Variants in TNS3 observed in about 807,000 individuals in gnomAD.
TNS3 encodes the protein tensin-3.
Under a neutral mutation model 140.9 loss-of-function variants are expected in TNS3, and 45 were observed. That is an observed-to-expected ratio of 0.32 (90% CI 0.25 to 0.41). TNS3 has a LOEUF of 0.41. Among genes scored for constraint, TNS3 ranks in the 10% least tolerant of loss-of-function variants. TNS3 has a pLI of 1.00. For missense variants in TNS3, 1,716 were observed against 1,906.7 expected, an observed-to-expected ratio of 0.90 and a Z score of 1.86; for synonymous variants, 815 against 788.4, an observed-to-expected ratio of 1.03 and a Z score of -0.56.
chr7:47,397,001 G>A, intron 15 of TNS3, 97 bp from the exon 16 acceptor site: 1 of 849,422 alleles, frequency 1.2e-6, no homozygotes, highest in East Asian at 2.5e-5. Context: ...CCTGACTTGA[G>A]CAGGAGAGAG....
rs376312101 is a variant in TNS3 at position 47,413,289 on chromosome 7, T to C, written c.647+648A>G. On this transcript the variant is annotated intron_variant, in intron 12 of 30. Coordinates refer to ENST00000311160, the MANE Select transcript of TNS3 (RefSeq NM_022748.12). ...TTTTTTTTTTTTGACTCTCGCTCTGTCACCTAGCCTGGAGTGCAGTGGTGT... is the reference window on the plus strand; with the variant it reads ...TTTTTTTTTTTTGACTCTCGCTCTGCCACCTAGCCTGGAGTGCAGTGGTGT... Among the ~76,000 whole-genome samples, 23 of 134,470 alleles carry C rather than the reference T, an allele frequency of 1.7e-4. No individual in the cohort carries two copies. The East Asian group carries it at 2.6e-3, about 15-fold the overall frequency. The allele number at this position is 134,470 out of a possible 152,430, so 88.2% of individuals were successfully genotyped here.
At chr7:47,554,235 T>C (rs917901923) in intron 1 of TNS3, among the ~76,000 whole-genome samples, 10 of 149,984 alleles carry the variant, frequency 6.7e-5, no homozygotes, top group Admixed American at 6.0e-4. Context: ...CCTGCCAACA[T>C]GGTGAAACCC....
chr7:47,532,517 A>AG (rs142747665), intron 1 of TNS3, among the ~76,000 whole-genome samples: 54,378 of 152,002 alleles, frequency 0.36, 10,691 homozygotes, highest in Middle Eastern at 0.5. Context: ...TTCCAGCTGC[A>AG]GAGAGGAACT....
At chr7:47,537,066 G>T (rs1319757024) in intron 1 of TNS3, among the ~76,000 whole-genome samples, 1 of 151,600 alleles carries the variant, frequency 6.6e-6, no homozygotes, top group African/African-American at 2.4e-5. Flanking sequence ...TTCCGCGCGC[G>T]AACCCTCCCG....
intron 6 of TNS3, among the ~76,000 whole-genome samples, 153 bp from the exon 7 acceptor site, chr7:47,437,466 T>G (rs1429690984): frequency 2.6e-5 from 4 of 151,772 alleles, no homozygotes; most frequent in African/African-American, 7.2e-5. Flanking sequence ...AAAAAGCTTT[T>G]AGACAAATCC....
At chr7:47,319,603 A>T (rs1367160114) in intron 20 of TNS3, among the ~76,000 whole-genome samples, 1 of 151,634 alleles carries the variant, frequency 6.6e-6, no homozygotes, top group Non-Finnish European at 1.5e-5. Context: ...TCTAAATCAC[A>T]TAAGGCCCAG....
At chr7:47,345,172 AG>A (rs1789262429) in intron 18 of TNS3, 134 bp from the exon 19 acceptor site, 1 of 672,134 alleles carries the variant, frequency 1.5e-6, no homozygotes, top group South Asian at 1.8e-5. Context: ...AAGGAGGCTG[AG>A]GTCTGGATCC....
intron 3 of TNS3, among the ~76,000 whole-genome samples, chr7:47,488,077 G>A (rs151253931): frequency 8.3e-4 from 126 of 152,200 alleles, no homozygotes; most frequent in Non-Finnish European, 1.3e-3. Context: ...GAGCTTTTAC[G>A]AAGGGCCACT....
chr7:47,435,450 C>T (rs774497700), intron 7 of TNS3, 46 bp from the exon 8 acceptor site: 8 of 1,601,562 alleles, frequency 5.0e-6, no homozygotes, highest in Non-Finnish European at 6.8e-6. Flanking sequence ...TTCCTAAAAC[C>T]TTCTGAGGCC....
At chr7:47,478,706 T>C (rs190715602) in intron 4 of TNS3, among the ~76,000 whole-genome samples, 69 of 152,210 alleles carry the variant, frequency 4.5e-4, no homozygotes, top group Middle Eastern at 3.4e-3. Context: ...TACATATATA[T>C]TCACATACAT....
At chr7:47,428,240 C>G (rs1162790060) in intron 9 of TNS3, 72 bp downstream of exon 9, 4 of 1,149,324 alleles carry the variant, frequency 3.5e-6, no homozygotes, top group Non-Finnish European at 4.6e-6. Flanking sequence ...AGCTCCCGCG[C>G]AGACAGCCTT....
intron 4 of TNS3, among the ~76,000 whole-genome samples, chr7:47,478,816 A>C (rs139139969): frequency 6.6e-6 from 1 of 152,248 alleles, no homozygotes; most frequent in East Asian, 1.9e-4. Flanking sequence ...TATAACATGC[A>C]TGTATGTGTT....
chr7:47,391,817 T>C (rs927684827), intron 16 of TNS3, among the ~76,000 whole-genome samples: 1 of 152,128 alleles, frequency 6.6e-6, no homozygotes, highest in Non-Finnish European at 1.5e-5. Context: ...CACAGCCCTC[T>C]TGTGTGACGA....
chr7:47,390,849 G>A (rs141936699), intron 16 of TNS3, among the ~76,000 whole-genome samples: 2 of 152,254 alleles, frequency 1.3e-5, no homozygotes, highest in East Asian at 1.9e-4. Context: ...CCAGGCCTCC[G>A]TCAGTTCTTA....
At chr7:47,414,098 T>C (rs765100056) in intron 11 of TNS3, 101 bp from the exon 12 acceptor site, 2 of 1,254,868 alleles carry the variant, frequency 1.6e-6, no homozygotes, top group Non-Finnish European at 2.3e-6. Context: ...ACCAGGAGAC[T>C]GCACCTGCGG....
chr7:47,363,383 A>G (rs1257030386), intron 17 of TNS3, among the ~76,000 whole-genome samples: 2 of 151,850 alleles, frequency 1.3e-5, no homozygotes, highest in Non-Finnish European at 1.5e-5. Context: ...CTGGTATGAA[A>G]GACTTTCTCA....
At chr7:47,328,939 A>G (rs916756533) in intron 20 of TNS3, among the ~76,000 whole-genome samples, 3 of 151,992 alleles carry the variant, frequency 2.0e-5, no homozygotes, top group Admixed American at 6.5e-5. Context: ...CCTTTCTTCC[A>G]TGTTCTTTGC....
rs542026924 is a variant in TNS3 at position 47,483,760 on chromosome 7, G to A, written c.-114-2619C>T. 8.5e-5 allele frequency among the ~76,000 whole-genome samples: 13 copies of A among 152,304 alleles called. No homozygotes were observed. The East Asian group carries it at 2.3e-3, about 27-fold the overall frequency. The stretch of plus-strand genomic sequence containing the variant: ...AAAGGAGAGGTGAGCTCTGTAAGCC[G>A]GGACTGCCCGAGTCCCATCTCACCC... On this transcript the variant is annotated intron_variant, in intron 3 of 30. Coordinates refer to ENST00000311160, the MANE Select transcript of TNS3 (RefSeq NM_022748.12).
At chr7:47,502,697 G>A (rs935567810) in intron 3 of TNS3, among the ~76,000 whole-genome samples, 4 of 152,332 alleles carry the variant, frequency 2.6e-5, no homozygotes, top group Non-Finnish European at 4.4e-5. Flanking sequence ...GCTGGAGAGC[G>A]GGGAAAGGCT....
Sources: gnomAD v4.1 joint callset for allele counts (sites outside exome capture counted in the v4.1 genomes callset) on GRCh38, gnomAD v4.1.1 for gene constraint, MANE v1.5 for transcripts, NCBI Gene and HGNC (gene_info 2026-07-23, HGNC 2026-07-21) for gene names.